GALNTL6: variants seen among roughly 807,000 people sequenced by gnomAD.
The protein encoded by GALNTL6 is polypeptide N-acetylgalactosaminyltransferase-like 6.
In GALNTL6, 46 loss-of-function variants were observed where a neutral mutation model predicts 73.7. The ratio of observed to expected loss-of-function variants is 0.62; its 90% CI spans 0.49 to 0.80. GALNTL6 has a LOEUF of 0.80. GALNTL6 is among the 30% of genes least tolerant of loss of function. The pLI is 0.00. For missense variants in GALNTL6, 604 were observed against 755.0 expected, an observed-to-expected ratio of 0.80 and a Z score of 2.34; for synonymous variants, 259 against 263.7, an observed-to-expected ratio of 0.98 and a Z score of 0.17.
intron 3 of GALNTL6, among the ~76,000 whole-genome samples, chr4:172,290,542 T>C (rs1246491154): frequency 1.3e-5 from 2 of 152,136 alleles, no homozygotes; most frequent in African/African-American, 4.8e-5. Flanking sequence ...CCATTTCTTC[T>C]AATACATTGG....
intron 3 of GALNTL6, among the ~76,000 whole-genome samples, chr4:172,310,774 A>G (rs1740326274): frequency 2.0e-5 from 3 of 152,034 alleles, no homozygotes; most frequent in Admixed American, 1.3e-4. Flanking sequence ...TTCTTTGTAA[A>G]TATATAAAAT....
intron 5 of GALNTL6, among the ~76,000 whole-genome samples, chr4:172,453,660 A>G (rs922034106): frequency 6.6e-6 from 1 of 152,248 alleles, no homozygotes; most frequent in African/African-American, 2.4e-5. Flanking sequence ...AAAGGTCATC[A>G]TTAAAATACG....
At position 172,134,011 on chromosome 4, in the gene GALNTL6, T is replaced by C. The variant is rs76503012; in HGVS notation, c.139-95645T>C. 8.1e-3 allele frequency among the ~76,000 whole-genome samples: 1,238 copies of C among 152,268 alleles called. 20 individuals are homozygous for C. The highest frequency in any genetic ancestry group is 0.028 in the African/African-American group (1,170 of 41,562). On this transcript the variant is annotated intron_variant, in intron 2 of 12. Coordinates refer to ENST00000506823, the MANE Select transcript of GALNTL6 (RefSeq NM_001034845.3). ...AAATTCTGACAAGTCCTCAGAAAAT[T>C]AGTTGACTGAAGAATGAGATCACAT...
At chr4:171,981,728 C>T (rs1363938751) in intron 2 of GALNTL6, among the ~76,000 whole-genome samples, 1 of 152,070 alleles carries the variant, frequency 6.6e-6, no homozygotes, top group African/African-American at 2.4e-5. Context: ...CCAAAGAATG[C>T]TTAGCTACTT....
At chr4:172,060,469 A>G (rs948879449) in intron 2 of GALNTL6, among the ~76,000 whole-genome samples, 5 of 152,176 alleles carry the variant, frequency 3.3e-5, no homozygotes, top group Non-Finnish European at 7.3e-5. Context: ...ACATATAACC[A>G]AAAAAATTTT....
At chr4:172,085,810 CT>C (rs1295117074) in intron 2 of GALNTL6, among the ~76,000 whole-genome samples, 1 of 151,980 alleles carries the variant, frequency 6.6e-6, no homozygotes, top group Non-Finnish European at 1.5e-5. Flanking sequence ...AGGAAGTAGT[CT>C]AAAGCATCTT....
At chr4:171,833,305 A>G (rs1180846193) in intron 2 of GALNTL6, among the ~76,000 whole-genome samples, 3 of 150,804 alleles carry the variant, frequency 2.0e-5, no homozygotes, top group African/African-American at 7.4e-5. Context: ...GCTGACAACA[A>G]ATGGTATCTG....
At chr4:172,013,721 GTT>G (rs2110784715) in intron 2 of GALNTL6, among the ~76,000 whole-genome samples, 1 of 151,958 alleles carries the variant, frequency 6.6e-6, no homozygotes, top group South Asian at 2.1e-4. Context: ...CAATTATACT[GTT>G]TTAGTTATTT....
intron 5 of GALNTL6, among the ~76,000 whole-genome samples, chr4:172,616,267 A>G (rs1360212354): frequency 6.6e-6 from 1 of 152,126 alleles, no homozygotes; most frequent in African/African-American, 2.4e-5. Context: ...TCAATGCTCA[A>G]TCGTCTATTG....
chr4:172,061,084 C>T (rs1731185958), intron 2 of GALNTL6, among the ~76,000 whole-genome samples: 1 of 152,040 alleles, frequency 6.6e-6, no homozygotes, highest in African/African-American at 2.4e-5. Flanking sequence ...ACAGTGATTA[C>T]CTGAAACCAA....
chr4:172,595,141 A>G (rs557271639), intron 5 of GALNTL6, among the ~76,000 whole-genome samples: 5 of 152,172 alleles, frequency 3.3e-5, no homozygotes, highest in African/African-American at 4.8e-5. Flanking sequence ...TAAAAGCTCT[A>G]CCTCCTAATA....
intron 3 of GALNTL6, among the ~76,000 whole-genome samples, chr4:172,307,039 C>A (rs1226181620): frequency 6.6e-6 from 1 of 152,146 alleles, no homozygotes; most frequent in Non-Finnish European, 1.5e-5. Context: ...AATTTCCATA[C>A]TGTTTTCCAT....
chr4:171,890,211 A>G lies in GALNTL6; in HGVS notation c.138+75493A>G, dbSNP rs73867189. 1.0e-2 allele frequency among the ~76,000 whole-genome samples: 1,515 copies of G among 152,200 alleles called. 30 individuals carry two copies. The highest frequency in any genetic ancestry group is 0.034 in the African/African-American group (1,428 of 41,540). ...TTCCAGGCTTTCTCTATATGTATAT[A>G]TCATCATTTCCAAGACCTGCAAAGT... On this transcript the variant is annotated intron_variant, in intron 2 of 12. Transcript: ENST00000506823.
At chr4:172,790,823 T>G (rs1739951799) in intron 5 of GALNTL6, among the ~76,000 whole-genome samples, 1 of 138,432 alleles carries the variant, frequency 7.2e-6, no homozygotes, top group Non-Finnish European at 1.5e-5. Flanking sequence ...AACTGGGACC[T>G]GGGAGGCAGA....
In GALNTL6 at chr4:172,028,308, C is replaced by A. The variant is rs577024520; in HGVS notation, c.139-201348C>A. Among the ~76,000 whole-genome samples, 17 of 131,370 alleles carry A rather than the reference C, an allele frequency of 1.3e-4. No individual in the cohort carries two copies. The East Asian group carries it at 3.2e-3, about 25-fold the overall frequency. The allele number at this position is 131,370 out of a possible 152,430, so 86.2% of individuals were successfully genotyped here. On this transcript the variant is annotated intron_variant, in intron 2 of 12. Transcript: ENST00000506823. ...AATGAAAAAAAAAGTATAAAAACTT[C>A]AAAAAAATATAAAGTTGACAGTATT...
At chr4:173,022,090 A>AGAAAGAAGGAAGGAAGGAAAGAAG (rs1753028455) in intron 12 of GALNTL6, among the ~76,000 whole-genome samples, 1 of 66,204 alleles carries the variant, frequency 1.5e-5, no homozygotes, top group African/African-American at 6.4e-5. Context: ...AAGGAAGGAA[A>AGAAAGAAGGAAGGAAGGAAAGAAG]GAAGGAAGGA....
intron 5 of GALNTL6, among the ~76,000 whole-genome samples, chr4:172,527,756 C>T (rs1403144010): frequency 6.6e-6 from 1 of 152,178 alleles, no homozygotes. Context: ...GCCTCTCTTC[C>T]TTTAACTTAT....
chr4:172,015,672 A>T (rs1741168206), intron 2 of GALNTL6, among the ~76,000 whole-genome samples: 1 of 152,020 alleles, frequency 6.6e-6, no homozygotes, highest in South Asian at 2.1e-4. Context: ...CTATTTTGGT[A>T]TATTTCAAGG....
At chr4:172,146,419 C>G (rs1461185171) in intron 2 of GALNTL6, among the ~76,000 whole-genome samples, 1 of 152,098 alleles carries the variant, frequency 6.6e-6, no homozygotes, top group Non-Finnish European at 1.5e-5. Flanking sequence ...ACTTTATGTC[C>G]AGGATCACTA....
Sources: gnomAD v4.1 joint callset for allele counts (sites outside exome capture counted in the v4.1 genomes callset) on GRCh38, gnomAD v4.1.1 for gene constraint, MANE v1.5 for transcripts, NCBI Gene and HGNC (gene_info 2026-07-23, HGNC 2026-07-21) for gene names.